ECE2: variants seen among roughly 807,000 people sequenced by gnomAD.
The protein encoded by ECE2 is endothelin-converting enzyme 2.
In ECE2, 81 loss-of-function variants were observed where a neutral mutation model predicts 100.6. The ratio of observed to expected loss-of-function variants is 0.81; its 90% CI spans 0.67 to 0.97. The LOEUF is 0.97. Among genes scored for constraint, ECE2 ranks in the 50% least tolerant of loss-of-function variants. The probability of loss-of-function intolerance (pLI) is 0.00; values close to 1 mark genes in which losing one functional copy is unlikely to be tolerated. For missense variants in ECE2, 911 were observed against 988.1 expected (o/e 0.92, Z 1.05); for synonymous variants, 391 against 391.5 (o/e 1.00, Z 0.02).
Position 184,290,822 on chromosome 3 carries a change from T to G in ECE2, c.1796T>G (p.Val599Gly). Residue 599 changes from valine to glycine, a missense_variant, in exon 16 of 19, where the codon GTC becomes GGC. Transcript: ENST00000404464. ...CTGAACTTCGGTGGCATCGGTGTGG[T>G]CATGGGCCATGAGTTGACGCATGCC... ...KALNFGGIGV[V>G]MGHELTHAFD... 6.2e-7 allele frequency: 1 copy of G among 1,614,144 alleles called. No individual in the cohort carries two copies.
At chr3:184,279,174 G>C (rs953826843) in intron 7 of ECE2, among the ~76,000 whole-genome samples, 5 of 151,960 alleles carry the variant, frequency 3.3e-5, no homozygotes, top group Admixed American at 6.6e-5. Context: ...GCCAGTCGTG[G>C]TGGCAGGCAC....
intron 7 of ECE2, among the ~76,000 whole-genome samples, chr3:184,280,843 G>T (rs993551634): frequency 2.6e-5 from 4 of 152,120 alleles, no homozygotes; most frequent in Admixed American, 2.6e-4. Flanking sequence ...GCCCGACGTG[G>T]TGGCGGGTGC....
At position 184,291,315 on chromosome 3, in the gene ECE2, G is replaced by T; in HGVS notation, c.2026-29G>T. 6.3e-7 allele frequency: 1 copy of T among 1,590,322 alleles called. No individual in the cohort carries two copies. The highest frequency in any genetic ancestry group is 1.1e-5 in the South Asian group (1 of 87,550). On this transcript the variant is annotated intron_variant, in intron 17 of 18. Transcript: ENST00000404464. This position sits in a 1 kb window ranked among gnomAD's most constrained non-coding sequence, Gnocchi z 4.1. Reference sequence around the variant, plus strand: ...CGGGTGGGTGGGGGCAGGCCTGGATGGGCTTGTTGCCCACTGTTCTGTCCC... The same window carrying T: ...CGGGTGGGTGGGGGCAGGCCTGGATTGGCTTGTTGCCCACTGTTCTGTCCC...
At chr3:184,287,214 T>G (rs1230650901) in intron 10 of ECE2, among the ~76,000 whole-genome samples, 1 of 150,048 alleles carries the variant, frequency 6.7e-6, no homozygotes, top group African/African-American at 2.5e-5. Context: ...AGGTGGAGCT[T>G]GCAGTGAGCT....
chr3:184,278,317 A>C lies in ECE2; in HGVS notation c.750+4A>C. On this transcript the variant is annotated splice_donor_region_variant and intron_variant, in intron 6 of 18. Transcript: ENST00000404464. ...TTCCAACAGCAATGTTATCCAGGTG[A>C]TGAGCTGGGAAAGGGTGGGGAGAGA... 6.2e-7 allele frequency: 1 copy of C among 1,613,656 alleles called. No homozygotes were observed. The highest frequency in any genetic ancestry group is 8.5e-7 in the Non-Finnish European group (1 of 1,179,764).
At chr3:184,282,545 G>A (rs1469313543) in intron 7 of ECE2, among the ~76,000 whole-genome samples, 5 of 152,224 alleles carry the variant, frequency 3.3e-5, no homozygotes, top group African/African-American at 1.2e-4. Context: ...CTCTGTGGCA[G>A]ACAGCTGCGC....
chr3:184,276,173 A>C lies in ECE2; in HGVS notation c.20A>C (p.Glu7Ala), dbSNP rs1292472597. Residue 7 changes from glutamate to alanine, a missense_variant, in exon 1 of 19, where the codon GAG becomes GCG. By Grantham distance (107) the Glu-to-Ala change is moderately radical (BLOSUM62 -1). Transcript: ENST00000404464. MNVALQ[E>A]LGAGSNMVEY... ...TCCACCATGAACGTCGCGCTGCAGGAGCTGGGAGCTGGCAGCAACGTGAGT... is the reference window on the plus strand; with the variant it reads ...TCCACCATGAACGTCGCGCTGCAGGCGCTGGGAGCTGGCAGCAACGTGAGT... 11 of 1,441,120 alleles carry C rather than the reference A, an allele frequency of 7.6e-6. No individual in the cohort carries two copies. Among genetic ancestry groups the C allele is most frequent in the East Asian group, 2.6e-5 (1 of 37,760 alleles). 89.3% of individuals were successfully genotyped at this position (1,441,120 alleles called of 1,614,324 possible).
At chr3:184,282,231 C>G (rs1346842892) in intron 7 of ECE2, among the ~76,000 whole-genome samples, 1 of 152,182 alleles carries the variant, frequency 6.6e-6, no homozygotes, top group African/African-American at 2.4e-5. Context: ...AACCATCCCC[C>G]TCAGGAGCTG....
intron 9 of ECE2, 59 bp downstream of exon 9, chr3:184,285,164 A>G (rs894682899): frequency 7.6e-6 from 12 of 1,579,720 alleles, no homozygotes; most frequent in South Asian, 1.2e-5. Flanking sequence ...AAGGCTGGGC[A>G]TAATGGACAG....
At chr3:184,279,724 T>C (rs1466561314) in intron 7 of ECE2, among the ~76,000 whole-genome samples, 1 of 150,738 alleles carries the variant, frequency 6.6e-6, no homozygotes, top group Admixed American at 6.6e-5. Context: ...AGGGGTCCAC[T>C]GTGGTAAAAT....
chr3:184,277,995 G>T lies in ECE2; in HGVS notation c.549G>T (p.Gln183His). The T allele has an allele frequency of 1.2e-6, 2 of 1,614,020 alleles. No individual in the cohort carries two copies. Among genetic ancestry groups the T allele is most frequent in the Non-Finnish European group, 1.7e-6 (2 of 1,180,034 alleles). Residue 183 changes from glutamine to histidine, a missense_variant, in exon 5 of 19, where the codon CAG (glutamine) becomes CAT (histidine). By Grantham distance (24) the Gln-to-His change is conservative. Transcript: ENST00000404464. ...AGCGCTTCTACCTATCTTGCCTACA[G>T]GTGGAGCGCATTGAGGAGCTGGGAG... ...KTQRFYLSCL[Q>H]VERIEELGAQ... is the part of the protein sequence containing the mutation.
In ECE2 at chr3:184,277,362, G is replaced by GT. The variant is rs1234128232; in HGVS notation, c.375dup (p.Gly126TrpfsTer35). On this transcript the variant is annotated frameshift_variant, in exon 4 of 19. Coordinates refer to ENST00000404464, the MANE Select transcript of ECE2 (RefSeq NM_001100121.2). LOFTEE classifies it high-confidence loss of function. The stretch of plus-strand genomic sequence containing the variant: ...TGTGAGGACTTTTACCAGTTCTCCT[G>GT]TGGGGGCTGGATTCGGAGGAACCCC... 1.2e-6 allele frequency: 2 copies of GT among 1,614,272 alleles called. No individual in the cohort carries two copies. The highest frequency in any genetic ancestry group is 1.7e-6 in the Non-Finnish European group (2 of 1,180,046).
In ECE2 at chr3:184,285,610, G is replaced by C. The variant is rs779012245; in HGVS notation, c.1263+18G>C. On this transcript the variant is annotated intron_variant, in intron 10 of 18. Coordinates refer to ENST00000404464, the MANE Select transcript of ECE2 (RefSeq NM_001100121.2). Reference sequence around the variant, plus strand: ...CTAAGAAGGTGGGCTTTCTGATTTTGCCTCCACGTTCTGATCCAGTCTAAC... The same window carrying C: ...CTAAGAAGGTGGGCTTTCTGATTTTCCCTCCACGTTCTGATCCAGTCTAAC... 1.2e-4 allele frequency: 191 copies of C among 1,579,076 alleles called. No individual in the cohort carries two copies. Among genetic ancestry groups the C allele is most frequent in the Non-Finnish European group, 1.6e-4 (181 of 1,148,286 alleles).
At chr3:184,278,819 T>C (rs1343693911) in intron 7 of ECE2, 1 of 522,710 alleles carries the variant, frequency 1.9e-6, no homozygotes, top group African/African-American at 1.9e-5. Context: ...AATTCTGAGA[T>C]ATAAGTTTCC....
chr3:184,278,861 A>G, intron 7 of ECE2: 1 of 429,104 alleles, frequency 2.3e-6, no homozygotes. Context: ...TTCAGTGTCG[A>G]TGGGTTCATG....
intron 7 of ECE2, among the ~76,000 whole-genome samples, chr3:184,282,743 C>T (rs758688818): frequency 7.2e-5 from 11 of 152,202 alleles, no homozygotes; most frequent in Non-Finnish European, 1.2e-4. Flanking sequence ...TGATGGAAGT[C>T]AAGCCGTGTC....
chr3:184,290,290 G>A lies in ECE2; in HGVS notation c.1587G>A (p.Met529Ile). 6.2e-7 allele frequency: 1 copy of A among 1,614,078 alleles called. No individual in the cohort carries two copies. The highest frequency in any genetic ancestry group is 8.5e-7 in the Non-Finnish European group (1 of 1,179,990). Residue 529 changes from methionine (M) to isoleucine (I), a missense_variant, in exon 14 of 19, where the codon ATG (methionine) becomes ATA (isoleucine). Met to Ile is a conservative substitution (Grantham distance 10). Transcript: ENST00000404464. ...CTGAAGATTCTTTCTTCCAAAACATGTTGAATTTGTACAACTTCTCTGCCA... is the reference window on the plus strand; with the variant it reads ...CTGAAGATTCTTTCTTCCAAAACATATTGAATTTGTACAACTTCTCTGCCA... ...EISEDSFFQNMLNLYNFSAKV... is the reference protein window; with the variant it reads ...EISEDSFFQNILNLYNFSAKV...
chr3:184,282,994 G>A (rs1430945657), intron 7 of ECE2, among the ~76,000 whole-genome samples: 2 of 152,174 alleles, frequency 1.3e-5, no homozygotes, highest in Non-Finnish European at 2.9e-5. Context: ...AGAGGCCTGA[G>A]GACACCATGG....
intron 7 of ECE2, among the ~76,000 whole-genome samples, 158 bp from the exon 8 acceptor site, chr3:184,283,627 T>C (rs1367649946): frequency 8.0e-6 from 1 of 124,950 alleles, no homozygotes; most frequent in African/African-American, 3.0e-5. Context: ...ACTTAGCCAA[T>C]GGAGGTAAGC....
Sources: gnomAD v4.1 joint callset for allele counts (sites outside exome capture counted in the v4.1 genomes callset) on GRCh38, gnomAD v4.1.1 for gene constraint, Gnocchi (gnomAD v3.1) non-coding constraint, MANE v1.5 for transcripts, NCBI Gene and HGNC (gene_info 2026-07-23, HGNC 2026-07-21) for gene names.